Variants in FOXO3 observed in about 807,000 individuals in gnomAD.
FOXO3 encodes forkhead box protein O3.
In FOXO3, 4 loss-of-function variants were observed where a neutral mutation model predicts 41.9. That is an observed-to-expected ratio of 0.10 (90% CI 0.05 to 0.22). The LOEUF (loss-of-function observed/expected upper bound fraction) is 0.22. Ranked by LOEUF, FOXO3 falls within the 10% of genes least tolerant of loss-of-function variation. FOXO3 has a pLI of 1.00. For missense variants in FOXO3, 534 were observed against 906.8 expected, an observed-to-expected ratio of 0.59 and a Z score of 5.28; for synonymous variants, 318 against 389.3, an observed-to-expected ratio of 0.82 and a Z score of 2.16.
chr6:108,618,030 C>G (rs760741749), intron 1 of FOXO3: 110 of 668,018 alleles, frequency 1.6e-4, no homozygotes, highest in Non-Finnish European at 1.7e-4. Flanking sequence ...GCTGTTGGAA[C>G]ACGTCAATCG....
intron 1 of FOXO3, among the ~76,000 whole-genome samples, chr6:108,575,541 G>A (rs1776239783): frequency 6.6e-6 from 1 of 152,100 alleles, no homozygotes; most frequent in Admixed American, 6.5e-5. Context: ...ATTTAAAAGC[G>A]TTGCGATGGG....
chr6:108,579,517 C>G (rs1020489951), intron 1 of FOXO3, among the ~76,000 whole-genome samples: 1 of 152,152 alleles, frequency 6.6e-6, no homozygotes, highest in Non-Finnish European at 1.5e-5. Context: ...GACTTGTACA[C>G]ATTGGAAGTC....
At chr6:108,561,891 G>A in intron 1 of FOXO3, 62 bp downstream of exon 1, 6 of 1,480,430 alleles carry the variant, frequency 4.1e-6, no homozygotes, top group South Asian at 1.4e-5. Flanking sequence ...CGCGAGACGC[G>A]TCTCGGATTC....
chr6:108,665,021 G>A (rs370014502), intron 2 of FOXO3, 132 bp downstream of exon 2: 3 of 1,007,044 alleles, frequency 3.0e-6, no homozygotes, highest in African/African-American at 1.6e-5. Flanking sequence ...CACATAATAT[G>A]GCTCCCAGCC....
intron 1 of FOXO3, among the ~76,000 whole-genome samples, chr6:108,599,122 C>G (rs1169646686): frequency 1.3e-5 from 2 of 152,106 alleles, no homozygotes; most frequent in Non-Finnish European, 2.9e-5. Context: ...TTTTTATTCC[C>G]TGTCCTCCAC....
intron 1 of FOXO3, among the ~76,000 whole-genome samples, chr6:108,617,489 A>G (rs1272095118): frequency 6.6e-6 from 1 of 152,038 alleles, no homozygotes; most frequent in Non-Finnish European, 1.5e-5. Flanking sequence ...AGAGTAGTTT[A>G]TCCCTAGATA....
At chr6:108,570,408 G>T (rs1182758206) in intron 1 of FOXO3, among the ~76,000 whole-genome samples, 1 of 151,944 alleles carries the variant, frequency 6.6e-6, no homozygotes, top group Non-Finnish European at 1.5e-5. Flanking sequence ...CAAACTCCTG[G>T]CTCTCTCTGT....
At chr6:108,666,594 C>T (rs1365200601) in intron 2 of FOXO3, among the ~76,000 whole-genome samples, 2 of 151,964 alleles carry the variant, frequency 1.3e-5, no homozygotes, top group African/African-American at 4.8e-5. Flanking sequence ...CCGCCCGCCT[C>T]AGCCTCCCAA....
At chr6:108,630,947 T>G (rs1210183664) in intron 1 of FOXO3, among the ~76,000 whole-genome samples, 1 of 152,212 alleles carries the variant, frequency 6.6e-6, no homozygotes, top group African/African-American at 2.4e-5. Flanking sequence ...GGCTTTGGGT[T>G]CCTTTATTGC....
At chr6:108,668,855 A>C (rs138222385) in intron 2 of FOXO3, among the ~76,000 whole-genome samples, 1 of 152,306 alleles carries the variant, frequency 6.6e-6, no homozygotes, top group Non-Finnish European at 1.5e-5. Context: ...GACCGGGCGC[A>C]GTGGCTCACG....
At chr6:108,641,476 C>T (rs994333701) in intron 1 of FOXO3, among the ~76,000 whole-genome samples, 1 of 152,138 alleles carries the variant, frequency 6.6e-6, no homozygotes, top group African/African-American at 2.4e-5. Context: ...GTCAGATAAA[C>T]TCTAAAGCCT....
At chr6:108,624,552 G>A (rs1229484253) in intron 1 of FOXO3, among the ~76,000 whole-genome samples, 1 of 152,138 alleles carries the variant, frequency 6.6e-6, no homozygotes, top group Admixed American at 6.5e-5. Flanking sequence ...GCACATCCTT[G>A]CATGTGGACT....
rs376075194 is a variant in FOXO3, at chr6:108,654,423, G to C, written c.622-9032G>C. Among the ~76,000 whole-genome samples, 16 of 152,270 alleles carry C rather than the reference G, an allele frequency of 1.1e-4. No homozygotes were observed. The East Asian group carries it at 1.7e-3, about 17-fold the overall frequency. ...TTTAAGAGAACTTTCTTCCTATCTA[G>C]GATTTCTTTTTCAGTTGAGGGCAGG... On this transcript the variant is annotated intron_variant, in intron 1 of 2. Coordinates refer to ENST00000406360, the MANE Select transcript of FOXO3 (RefSeq NM_001455.4).
intron 1 of FOXO3, among the ~76,000 whole-genome samples, chr6:108,594,188 G>A (rs2128364104): frequency 6.6e-6 from 1 of 152,250 alleles, no homozygotes; most frequent in South Asian, 2.1e-4. Context: ...TTAATTTTAA[G>A]TAGAAGGAAA....
intron 1 of FOXO3, among the ~76,000 whole-genome samples, chr6:108,568,007 C>T (rs897715166): frequency 4.0e-5 from 6 of 151,256 alleles, no homozygotes; most frequent in East Asian, 3.9e-4. Context: ...AAGATTGTGC[C>T]GTTGCACTCC....
chr6:108,604,023 G>C (rs2128367258), intron 1 of FOXO3, among the ~76,000 whole-genome samples: 1 of 152,144 alleles, frequency 6.6e-6, no homozygotes, highest in African/African-American at 2.4e-5. Context: ...GAAATAATAT[G>C]GTATTGAGGA....
At chr6:108,560,199 A>G (rs771388203), upstream of FOXO3, among the ~76,000 whole-genome samples, 5 of 152,160 alleles carry the variant, frequency 3.3e-5, no homozygotes, top group Admixed American at 6.5e-5. Context: ...CAGCGGGAGC[A>G]AGGAGGTGAT....
chr6:108,585,923 G>A (rs577064091), intron 1 of FOXO3, among the ~76,000 whole-genome samples: 2 of 152,138 alleles, frequency 1.3e-5, no homozygotes, highest in South Asian at 4.1e-4. Flanking sequence ...TCCTTCAAGG[G>A]TACATGGAAG....
chr6:108,660,125 C>G (rs746804421), intron 1 of FOXO3, among the ~76,000 whole-genome samples: 1 of 152,032 alleles, frequency 6.6e-6, no homozygotes, highest in Non-Finnish European at 1.5e-5. Flanking sequence ...CATTTAGCCT[C>G]GGGACCTCCG....
Sources: allele counts gnomAD v4.1 joint callset (sites outside exome capture counted in the v4.1 genomes callset), GRCh38; gene constraint gnomAD v4.1.1; transcripts MANE v1.5; gene names NCBI Gene and HGNC (gene_info 2026-07-23, HGNC 2026-07-21).